The following GRIP1 variants were observed in gnomAD, a reference collection of about 807,000 sequenced individuals.
The protein encoded by GRIP1 is glutamate receptor-interacting protein 1.
GRIP1 carries 45 observed loss-of-function variants against 129.9 expected under a neutral mutation model. The ratio of observed to expected loss-of-function variants is 0.35; its 90% CI spans 0.27 to 0.44. The LOEUF is 0.44. Ranked by LOEUF, GRIP1 falls within the 20% of genes least tolerant of loss-of-function variation. The probability of loss-of-function intolerance (pLI) is 1.00; values close to 1 mark genes in which losing one functional copy is unlikely to be tolerated. For missense variants in GRIP1, 1,196 were observed against 1,396.8 expected (o/e 0.86, Z 2.29); for synonymous variants, 530 against 520.8 (o/e 1.02, Z -0.24).
At chr12:67,025,688 C>T (rs549860985) in intron 1 of GRIP1, among the ~76,000 whole-genome samples, 5 of 152,134 alleles carry the variant, frequency 3.3e-5, no homozygotes, top group African/African-American at 1.2e-4. Context: ...GCAATTCCTA[C>T]ACCTGCCACC....
intron 1 of GRIP1, among the ~76,000 whole-genome samples, chr12:66,841,824 T>C (rs1031595327): frequency 2.0e-5 from 3 of 152,226 alleles, no homozygotes; most frequent in Non-Finnish European, 4.4e-5. Flanking sequence ...CACAAATGCC[T>C]AGCACAAGGC....
At chr12:66,766,531 T>C (rs552810947) in intron 1 of GRIP1, among the ~76,000 whole-genome samples, 47 of 152,302 alleles carry the variant, frequency 3.1e-4, no homozygotes, top group African/African-American at 9.9e-4. Context: ...ACACTGGGCC[T>C]TGGTCACCTT....
intron 1 of GRIP1, among the ~76,000 whole-genome samples, chr12:66,619,414 C>A (rs56307984): frequency 3.9e-4 from 60 of 151,948 alleles, no homozygotes; most frequent in Non-Finnish European, 6.6e-4. Context: ...AGAGCCATTA[C>A]GGGTAGATTT....
intron 1 of GRIP1, among the ~76,000 whole-genome samples, chr12:66,781,177 T>C (rs952206427): frequency 6.6e-6 from 1 of 152,204 alleles, no homozygotes; most frequent in Admixed American, 6.5e-5. Flanking sequence ...TTTTGGTAAA[T>C]TATAAAACAA....
At chr12:66,669,550 A>G (rs1202044558) in intron 1 of GRIP1, among the ~76,000 whole-genome samples, 1 of 152,222 alleles carries the variant, frequency 6.6e-6, no homozygotes, top group Non-Finnish European at 1.5e-5. Context: ...GGTTGTATAC[A>G]GATAAACAAA....
chr12:66,943,440 ATAAAT>A (rs2041619351), intron 1 of GRIP1, among the ~76,000 whole-genome samples: 1 of 152,270 alleles, frequency 6.6e-6, no homozygotes, highest in Admixed American at 6.5e-5. Context: ...ACTGATATTT[ATAAAT>A]TAATTTCTTT....
At chr12:66,777,497 T>C (rs1486012533) in intron 1 of GRIP1, among the ~76,000 whole-genome samples, 2 of 152,348 alleles carry the variant, frequency 1.3e-5, no homozygotes, top group Admixed American at 6.5e-5. Context: ...ACAGTACCTA[T>C]GACTTTCTAA....
Position 66,377,007 on chromosome 12 carries a change from G to C in GRIP1, c.2778+10C>G. On this transcript the variant is annotated intron_variant, in intron 22 of 24. Coordinates refer to ENST00000359742, the MANE Select transcript of GRIP1 (RefSeq NM_001366722.1). Reference sequence around the variant, plus strand: ...TCACAAGCAAAAATATAAACATAAAGGGTAGCTACCAAGAGAGTCATGTTT... The same window carrying C: ...TCACAAGCAAAAATATAAACATAAACGGTAGCTACCAAGAGAGTCATGTTT... 6.3e-7 allele frequency: 1 copy of C among 1,599,124 alleles called. No individual in the cohort carries two copies. Among genetic ancestry groups the C allele is most frequent in the Non-Finnish European group, 8.6e-7 (1 of 1,166,306 alleles).
At chr12:66,756,878 C>T (rs1242042930) in intron 1 of GRIP1, among the ~76,000 whole-genome samples, 1 of 152,150 alleles carries the variant, frequency 6.6e-6, no homozygotes, top group African/African-American at 2.4e-5. Context: ...CTGCCACTAA[C>T]CATGTGGTGC....
chr12:66,718,414 A>G (rs755824995), intron 1 of GRIP1, among the ~76,000 whole-genome samples: 2 of 152,176 alleles, frequency 1.3e-5, no homozygotes, highest in Non-Finnish European at 2.9e-5. Context: ...ATAAAATTAA[A>G]ATTATTCTAA....
chr12:66,353,449 C>G lies in GRIP1; in HGVS notation c.3127G>C (p.Gly1043Arg), dbSNP rs775752505. The part of the protein sequence containing the change: ...NIRPAGPGDL[G>R]GLKPYDRLLQ... ...AGCCTGTCATAGGGCTTTAAGCCACCAAGATCTCCTGGCCCAGCTGGGCGA... is the reference window on the plus strand; with the variant it reads ...AGCCTGTCATAGGGCTTTAAGCCACGAAGATCTCCTGGCCCAGCTGGGCGA... Residue 1043 changes from glycine (G) to arginine (R), a missense_variant, in exon 24 of 25, where the codon GGT becomes CGT. Physicochemically the swap from Gly to Arg is moderately radical, Grantham distance 125 (BLOSUM62 -2). This residue lies in a region of GRIP1 where 427 missense variants were observed against 463.3 expected (regional missense o/e 0.92). Transcript: ENST00000359742. The G allele has an allele frequency of 6.2e-7, 1 of 1,612,996 alleles. No homozygotes were observed. Among genetic ancestry groups the G allele is most frequent in the South Asian group, 1.1e-5 (1 of 91,054 alleles).
chr12:66,353,610 T>C (rs773772620), intron 23 of GRIP1, 47 bp from the exon 24 acceptor site: 10 of 1,554,322 alleles, frequency 6.4e-6, no homozygotes, highest in Non-Finnish European at 8.9e-6. Context: ...GGTGGAGACT[T>C]TTCCTTCTGC....
chr12:66,651,809 A>G (rs927519961), intron 1 of GRIP1, among the ~76,000 whole-genome samples: 3 of 152,172 alleles, frequency 2.0e-5, no homozygotes, highest in African/African-American at 7.2e-5. Flanking sequence ...ACTAAATATA[A>G]TATCATCCAT....
chr12:66,354,537 C>T (rs1035184791), intron 23 of GRIP1, among the ~76,000 whole-genome samples: 2 of 152,164 alleles, frequency 1.3e-5, no homozygotes, highest in Non-Finnish European at 2.9e-5. Context: ...GCTCAGTTAA[C>T]GTTTGAGGGG....
Position 66,510,933 on chromosome 12 carries a change from T to C in GRIP1, c.724+4686A>G, listed in dbSNP as rs1316153684. 2.6e-5 allele frequency among the ~76,000 whole-genome samples: 4 copies of C among 152,144 alleles called. No homozygotes were observed. In the South Asian group the frequency reaches 6.2e-4, roughly 24 times the overall value. On this transcript the variant is annotated intron_variant, in intron 7 of 24. Transcript: ENST00000359742. Reference sequence around the variant, plus strand: ...TTGTTATTCATCCAGGAAATGTATATCAAACTTAAAATGAGATACTACCAC... The same window carrying C: ...TTGTTATTCATCCAGGAAATGTATACCAAACTTAAAATGAGATACTACCAC...
chr12:66,405,031 C>G (rs1456512525), intron 16 of GRIP1, among the ~76,000 whole-genome samples: 1 of 152,110 alleles, frequency 6.6e-6, no homozygotes, highest in Non-Finnish European at 1.5e-5. Flanking sequence ...GTGTGCCACA[C>G]AAAACAAGAA....
At position 66,979,222 on chromosome 12, in the gene GRIP1, T is replaced by TAAAAAAAAAAAAAAAAAA. The variant is rs35306665; in HGVS notation, c.58+89810_58+89827dup. Among the ~76,000 whole-genome samples the TAAAAAAAAAAAAAAAAAA allele has an allele frequency of 3.4e-4, 14 of 41,458 alleles. 3 individuals are homozygous for TAAAAAAAAAAAAAAAAAA. The highest frequency in any genetic ancestry group is 1.6e-3 in the East Asian group (2 of 1,252). 27.2% of individuals were successfully genotyped at this position (41,458 alleles called of 152,430 possible). On this transcript the variant is annotated intron_variant, in intron 1 of 1. Coordinates refer to the GRIP1 transcript ENST00000643019. Reference sequence around the variant, plus strand: ...CCCCAAGCCACAAAACTTCTCTTCTTAAAAAAAAAAAAAAAAAAAAAAAAA... The same window carrying TAAAAAAAAAAAAAAAAAA: ...CCCCAAGCCACAAAACTTCTCTTCTTAAAAAAAAAAAAAAAAAAAAAAAAAAAAAAAAAAAAAAAAAAA...
rs760795296 is a variant in GRIP1 at position 66,445,428 on chromosome 12, G to T, written c.1435C>A (p.Pro479Thr). Residue 479 changes from proline to threonine, a missense_variant, in exon 12 of 25, where the codon CCT becomes ACT. Transcript: ENST00000359742. ...ETTEVVLTAD[P>T]VTGFGIQLQG... ...AGTTGGATCCCAAATCCTGTGACAGGATCTGCCGTCAGCACAACCTCTGTG... is the reference window on the plus strand; with the variant it reads ...AGTTGGATCCCAAATCCTGTGACAGTATCTGCCGTCAGCACAACCTCTGTG... The T allele has an allele frequency of 1.9e-6, 3 of 1,613,994 alleles. No individual in the cohort carries two copies. In the Admixed American group the frequency reaches 5.0e-5, roughly 27 times the overall value.
intron 7 of GRIP1, among the ~76,000 whole-genome samples, chr12:66,492,854 A>G (rs1411103112): frequency 6.6e-6 from 1 of 152,120 alleles, no homozygotes; most frequent in African/African-American, 2.4e-5. Flanking sequence ...TACTAAAAAT[A>G]CAAAAATTAG....
Sources: allele counts gnomAD v4.1 joint callset (sites outside exome capture counted in the v4.1 genomes callset), GRCh38; gene constraint gnomAD v4.1.1; regional missense constraint gnomAD v4.1.1; transcripts MANE v1.5; gene names NCBI Gene and HGNC (gene_info 2026-07-23, HGNC 2026-07-21).